The following CLVS2 variants were observed in gnomAD, a reference collection of about 807,000 sequenced individuals.
CLVS2 encodes clavesin-2.
CLVS2 carries 19 observed loss-of-function variants against 29.0 expected under a neutral mutation model. The ratio of observed to expected loss-of-function variants is 0.66; its 90% CI spans 0.46 to 0.96. The LOEUF (loss-of-function observed/expected upper bound fraction) is 0.96. Ranked by LOEUF, CLVS2 falls within the 40% of genes least tolerant of loss-of-function variation. The probability of loss-of-function intolerance (pLI) is 0.00; values close to 1 mark genes in which losing one functional copy is unlikely to be tolerated. For missense variants in CLVS2, 294 were observed against 404.1 expected, an observed-to-expected ratio of 0.73 and a Z score of 2.34; for synonymous variants, 161 against 151.3, an observed-to-expected ratio of 1.06 and a Z score of -0.47.
intron 3 of CLVS2, among the ~76,000 whole-genome samples, chr6:123,029,870 A>G (rs1387682855): frequency 6.6e-6 from 1 of 152,218 alleles, no homozygotes. Flanking sequence ...ATAGGTAGCA[A>G]GGAGCCTGGC....
rs1217293079 is a variant in CLVS2, at chr6:123,066,357, C to A, written c.*2596C>A. Reference sequence around the variant, plus strand: ...ATACCTCCACTCTCTCTCTCTCTCTCATACACACACACACACACACTCTTA... The same window carrying A: ...ATACCTCCACTCTCTCTCTCTCTCTAATACACACACACACACACACTCTTA... On this transcript the variant is annotated 3_prime_UTR_variant, in exon 6 of 6. Coordinates refer to ENST00000275162, the MANE Select transcript of CLVS2 (RefSeq NM_001010852.4). The A allele has an allele frequency of 1.5e-5, 2 of 135,768 alleles. No homozygotes were observed. The highest frequency in any genetic ancestry group is 2.7e-5 in the African/African-American group (1 of 37,656). The allele number at this position is 135,768 out of a possible 1,614,324, so 8.4% of individuals were successfully genotyped here.
At chr6:123,016,709 A>G (rs1774839791) in intron 3 of CLVS2, among the ~76,000 whole-genome samples, 1 of 152,110 alleles carries the variant, frequency 6.6e-6, no homozygotes. Context: ...TGCCTAAAAT[A>G]GTGCCAGATA....
chr6:123,020,186 C>T (rs1774899631), intron 3 of CLVS2, among the ~76,000 whole-genome samples: 1 of 151,996 alleles, frequency 6.6e-6, no homozygotes. Context: ...GTTGAATATT[C>T]CTTTATCCAA....
At chr6:123,033,234 A>G (rs1358329103) in intron 3 of CLVS2, among the ~76,000 whole-genome samples, 2 of 152,116 alleles carry the variant, frequency 1.3e-5, no homozygotes, top group Admixed American at 6.6e-5. Flanking sequence ...TTAGAGAACA[A>G]CATAAGATTA....
Position 123,015,563 on chromosome 6 carries a change from C to T in CLVS2, c.564+4404C>T, listed in dbSNP as rs1403582031. 3.3e-5 allele frequency among the ~76,000 whole-genome samples: 5 copies of T among 152,134 alleles called. No individual in the cohort carries two copies. The South Asian group carries it at 6.2e-4, about 19-fold the overall frequency. The stretch of plus-strand genomic sequence containing the variant: ...GAATCTTGTTTCTATTGTTTCCAGG[C>T]CTGTTTCTAAGAAACAGTAGGTAGG... On this transcript the variant is annotated intron_variant, in intron 3 of 5. Coordinates refer to ENST00000275162, the MANE Select transcript of CLVS2 (RefSeq NM_001010852.4).
At chr6:123,036,076 G>T (rs1171949040) in intron 3 of CLVS2, among the ~76,000 whole-genome samples, 1 of 152,114 alleles carries the variant, frequency 6.6e-6, no homozygotes, top group East Asian at 1.9e-4. Context: ...CAATTCCATT[G>T]TAAAATTTGA....
intron 3 of CLVS2, among the ~76,000 whole-genome samples, chr6:123,032,963 A>T (rs796362102): frequency 1.3e-5 from 2 of 152,094 alleles, no homozygotes; most frequent in Non-Finnish European, 2.9e-5. Flanking sequence ...GTTTCTTTAT[A>T]TAGGTAAGAG....
chr6:123,000,174 C>G (rs977086403), intron 2 of CLVS2, among the ~76,000 whole-genome samples: 6 of 152,040 alleles, frequency 3.9e-5, no homozygotes, highest in Admixed American at 3.9e-4. Context: ...GTCAAGATGT[C>G]TAGACTTGTA....
chr6:123,050,780 T>C (rs918365372), intron 4 of CLVS2, among the ~76,000 whole-genome samples: 6 of 152,158 alleles, frequency 3.9e-5, no homozygotes, highest in Non-Finnish European at 5.9e-5. Flanking sequence ...GGTCATTGAA[T>C]ACAGGGGTTA....
intron 3 of CLVS2, among the ~76,000 whole-genome samples, chr6:123,034,813 G>T (rs1775128291): frequency 6.6e-6 from 1 of 152,000 alleles, no homozygotes; most frequent in Admixed American, 6.6e-5. Context: ...AATTTCACTG[G>T]GAGAAGCCGG....
intron 2 of CLVS2, 152 bp from the exon 3 acceptor site, chr6:123,010,833 A>G: frequency 2.2e-6 from 1 of 450,786 alleles, no homozygotes; most frequent in Non-Finnish European, 3.9e-6. Context: ...ATATAAATTA[A>G]ACCTCTTCCT....
intron 3 of CLVS2, among the ~76,000 whole-genome samples, chr6:123,031,885 A>T (rs1257939886): frequency 6.6e-6 from 1 of 152,012 alleles, no homozygotes; most frequent in Admixed American, 6.6e-5. Context: ...GTCATGTAAG[A>T]TACTTACCTC....
rs898233371 is a variant in CLVS2, at chr6:123,064,769, C to T, written c.*1008C>T. ...AAATAAATCATAGATATTCAATGAT[C>T]TTATGGATAATTACATGAGATAACT... On this transcript the variant is annotated 3_prime_UTR_variant, in exon 6 of 6. Transcript: ENST00000275162. 8 of 151,772 alleles carry T rather than the reference C, an allele frequency of 5.3e-5. No homozygotes were observed. The highest frequency in any genetic ancestry group is 8.8e-5 in the Non-Finnish European group (6 of 67,808). The allele number at this position is 151,772 out of a possible 1,614,324, so 9.4% of individuals were successfully genotyped here.
chr6:123,034,644 A>G (rs1775125605), intron 3 of CLVS2, among the ~76,000 whole-genome samples: 1 of 152,148 alleles, frequency 6.6e-6, no homozygotes, highest in South Asian at 2.1e-4. Flanking sequence ...CTGTATCTTG[A>G]ATGTGGTAGT....
At chr6:123,063,265 TC>T (rs1214704353) in intron 5 of CLVS2, among the ~76,000 whole-genome samples, 1 of 152,146 alleles carries the variant, frequency 6.6e-6, no homozygotes, top group African/African-American at 2.4e-5. Flanking sequence ...GAATTAAGCC[TC>T]CTGTTATTTC....
intron 3 of CLVS2, among the ~76,000 whole-genome samples, chr6:123,041,370 G>T (rs745999530): frequency 6.6e-6 from 1 of 152,078 alleles, no homozygotes; most frequent in Non-Finnish European, 1.5e-5. Flanking sequence ...ACAGTTTAAA[G>T]AACACAATTT....
chr6:123,012,985 T>C, intron 3 of CLVS2, among the ~76,000 whole-genome samples: 1 of 152,058 alleles, frequency 6.6e-6, no homozygotes, highest in East Asian at 1.9e-4. Flanking sequence ...GCTATATAAT[T>C]ACATCTATAC....
intron 3 of CLVS2, among the ~76,000 whole-genome samples, chr6:123,012,546 C>T (rs1174242495): frequency 6.6e-6 from 1 of 151,502 alleles, no homozygotes; most frequent in African/African-American, 2.4e-5. Context: ...TTCCAACCTA[C>T]TTTATGGAGT....
chr6:123,062,685 G>C (rs958747339), intron 5 of CLVS2, among the ~76,000 whole-genome samples: 4 of 151,798 alleles, frequency 2.6e-5, no homozygotes, highest in Admixed American at 1.3e-4. Flanking sequence ...AATTAGTTCC[G>C]TTGCTGTTCT....
Sources: gnomAD v4.1 joint callset for allele counts (sites outside exome capture counted in the v4.1 genomes callset) on GRCh38, gnomAD v4.1.1 for gene constraint, MANE v1.5 for transcripts, NCBI Gene and HGNC (gene_info 2026-07-23, HGNC 2026-07-21) for gene names.